Variants in PGPEP1L observed in about 807,000 individuals in gnomAD.
PGPEP1L encodes pyroglutamyl-peptidase I like, also known as pyroglutamyl-peptidase 1-like protein.
A neutral mutation model predicts 6.0 loss-of-function variants in PGPEP1L; 7 were observed. That is an observed-to-expected ratio of 1.17 (90% CI 0.66 to 2.19). PGPEP1L has a LOEUF of 2.19. Ranked by LOEUF, PGPEP1L falls within the 30% of genes most tolerant of loss-of-function variation. The pLI is 0.00. For synonymous variants in PGPEP1L, 103 were observed against 83.9 expected (o/e 1.23, Z -1.24); for missense variants, 209 against 192.5 (o/e 1.09, Z -0.51).
rs1033365951 is a variant in PGPEP1L, at chr15:98,968,689, C to G, written c.218G>C (p.Cys73Ser). 2.2e-5 allele frequency: 34 copies of G among 1,565,490 alleles called. No homozygotes were observed. The highest frequency in any genetic ancestry group is 2.9e-5 in the Non-Finnish European group (34 of 1,154,780). ...CAGAGACAGGTAATAGGTATAATCA[C>G]AGACGTATCTGCAACCACAGGAAAT... is the stretch of plus-strand genomic sequence containing the variant. ...IFSRDAGRYV[C>S]DYTYYLSLHH... The change falls in exon 5 of 5, where the codon TGT (cysteine) becomes TCT (serine). Residue 73 changes from cysteine to serine, a missense_variant. By Grantham distance (112) the Cys-to-Ser change is moderately radical. Coordinates refer to ENST00000535714, the MANE Select transcript of PGPEP1L (RefSeq NM_001167902.2).
chr15:98,981,489 C>CAAAAAAAAAAA (rs769918543), intron 2 of PGPEP1L, among the ~76,000 whole-genome samples: 3 of 82,044 alleles, frequency 3.7e-5, no homozygotes, highest in Non-Finnish European at 6.1e-5. Context: ...GACTCCGTCT[C>CAAAAAAAAAAA]AAAAAAAAAA....
intron 1 of PGPEP1L, 42 bp downstream of exon 1, chr15:99,007,317 T>C (rs72754844): frequency 0.097 from 14,840 of 152,368 alleles, 833 homozygotes; most frequent in African/African-American, 0.12. Context: ...ACTTGGTCTC[T>C]ACCTCCTCTG....
chr15:98,981,805 A>G (rs1307386629), intron 2 of PGPEP1L, among the ~76,000 whole-genome samples: 1 of 152,254 alleles, frequency 6.6e-6, no homozygotes, highest in Non-Finnish European at 1.5e-5. Context: ...TTTTCTGTAC[A>G]TATAAACGTA....
Position 98,971,131 on chromosome 15 carries a change from C to G in PGPEP1L, c.-114G>C. Reference sequence around the variant, plus strand: ...AGAGTCCGCAGCTGCACCACTGTTTCATTCCCCAGGCCCAGCTTGGAGAGC... The same window carrying G: ...AGAGTCCGCAGCTGCACCACTGTTTGATTCCCCAGGCCCAGCTTGGAGAGC... On this transcript the variant is annotated 5_prime_UTR_variant, in exon 3 of 5. It removes an upstream start codon present in the reference 5' UTR. Coordinates refer to ENST00000535714, the MANE Select transcript of PGPEP1L (RefSeq NM_001167902.2). 1.9e-6 allele frequency: 3 copies of G among 1,608,488 alleles called. No individual in the cohort carries two copies. Among genetic ancestry groups the G allele is most frequent in the Non-Finnish European group, 2.5e-6 (3 of 1,178,168 alleles).
At chr15:98,978,478 T>TA (rs1263537051) in intron 2 of PGPEP1L, among the ~76,000 whole-genome samples, 2 of 152,118 alleles carry the variant, frequency 1.3e-5, no homozygotes, top group African/African-American at 4.8e-5. Context: ...TGCTGACATT[T>TA]TTCAAGATTT....
At chr15:98,969,310 G>T in intron 4 of PGPEP1L, 115 bp downstream of exon 4, 3 of 1,321,064 alleles carry the variant, frequency 2.3e-6, no homozygotes, top group South Asian at 2.5e-5. Flanking sequence ...GGGCGGCACC[G>T]CATGGCCAAG....
At position 99,003,963 on chromosome 15, in the gene PGPEP1L, G is replaced by T. The variant is rs528313791; in HGVS notation, c.-142+1466C>A. Among the ~76,000 whole-genome samples, 72 of 148,640 alleles carry T rather than the reference G, an allele frequency of 4.8e-4. 1 individual carries two copies. Among genetic ancestry groups the T allele is most frequent in the African/African-American group, 1.6e-3 (64 of 38,882 alleles). On this transcript the variant is annotated intron_variant, in intron 2 of 4. Coordinates refer to ENST00000535714, the MANE Select transcript of PGPEP1L (RefSeq NM_001167902.2). ...CAAGGGAGATAAAAGGTTTCCCAAAGAACTTTTTCTCTGAAGGTCGATAGG... is the reference window on the plus strand; with the variant it reads ...CAAGGGAGATAAAAGGTTTCCCAAATAACTTTTTCTCTGAAGGTCGATAGG...
intron 2 of PGPEP1L, among the ~76,000 whole-genome samples, chr15:98,975,278 C>G (rs1190230513): frequency 6.6e-6 from 1 of 151,990 alleles, no homozygotes; most frequent in African/African-American, 2.4e-5. Context: ...AAGTTGATGT[C>G]ATGGAGGTAG....
intron 2 of PGPEP1L, chr15:99,001,315 T>C (rs1030100262): frequency 8.6e-6 from 2 of 231,926 alleles, no homozygotes; most frequent in African/African-American, 4.7e-5. Context: ...GGACCACATG[T>C]AAAATGATTC....
At chr15:98,989,064 A>AAT (rs2017785702) in intron 2 of PGPEP1L, among the ~76,000 whole-genome samples, 1 of 152,200 alleles carries the variant, frequency 6.6e-6, no homozygotes, top group Admixed American at 6.5e-5. Flanking sequence ...CAAAAACCAG[A>AAT]ATGCCTCTTC....
intron 2 of PGPEP1L, among the ~76,000 whole-genome samples, chr15:99,002,610 A>G (rs182595100): frequency 2.1e-3 from 321 of 152,108 alleles, no homozygotes; most frequent in African/African-American, 7.4e-3. Flanking sequence ...GGGTACAGGG[A>G]ACCTCTGTAC....
At chr15:98,976,925 C>G (rs1294364393) in intron 2 of PGPEP1L, among the ~76,000 whole-genome samples, 1 of 151,202 alleles carries the variant, frequency 6.6e-6, no homozygotes, top group Non-Finnish European at 1.5e-5. Context: ...CCTCATGCTC[C>G]TCACCTGTAT....
At chr15:98,991,086 G>A (rs191803221) in intron 2 of PGPEP1L, among the ~76,000 whole-genome samples, 14 of 151,810 alleles carry the variant, frequency 9.2e-5, no homozygotes, top group South Asian at 2.1e-4. Context: ...AAAAGCTAGC[G>A]GAAGACAAGA....
intron 1 of PGPEP1L, among the ~76,000 whole-genome samples, chr15:99,006,784 T>C (rs150287913): frequency 8.1e-6 from 1 of 122,960 alleles, no homozygotes. Flanking sequence ...GGTGACAGAG[T>C]GAGACCCTGT....
At chr15:99,005,090 C>G (rs538987317) in intron 2 of PGPEP1L, among the ~76,000 whole-genome samples, 1 of 152,068 alleles carries the variant, frequency 6.6e-6, no homozygotes, top group Non-Finnish European at 1.5e-5. Context: ...TCACGTGCCT[C>G]GGGCCCCACT....
intron 2 of PGPEP1L, among the ~76,000 whole-genome samples, chr15:98,999,636 G>A (rs1315090261): frequency 1.3e-5 from 2 of 152,162 alleles, no homozygotes; most frequent in African/African-American, 2.4e-5. Flanking sequence ...GTTCATAGAA[G>A]CTTTATTTGT....
intron 2 of PGPEP1L, among the ~76,000 whole-genome samples, chr15:98,987,194 A>AAAAAAAAG (rs2017759831): frequency 2.1e-5 from 3 of 146,064 alleles, no homozygotes; most frequent in African/African-American, 7.9e-5. Flanking sequence ...AAAAAAAAAA[A>AAAAAAAAG]AGAGAGCCAA....
intron 2 of PGPEP1L, among the ~76,000 whole-genome samples, chr15:98,973,544 A>G (rs999683684): frequency 1.3e-5 from 2 of 152,256 alleles, no homozygotes; most frequent in African/African-American, 2.4e-5. Flanking sequence ...CTAGAAATCA[A>G]TAACAGAAGG....
chr15:98,986,256 A>C lies in PGPEP1L; in HGVS notation c.-141-15098T>G, dbSNP rs192152536. Among the ~76,000 whole-genome samples, 5 of 152,372 alleles carry C rather than the reference A, an allele frequency of 3.3e-5. No individual in the cohort carries two copies. In the East Asian group the frequency reaches 9.6e-4, roughly 29 times the overall value. ...CTCATGTGGGCCCCTAAATAGCTTC[A>C]GGATGGGATCTGGCCACCAGAAAAA... On this transcript the variant is annotated intron_variant, in intron 2 of 4. Coordinates refer to ENST00000535714, the MANE Select transcript of PGPEP1L (RefSeq NM_001167902.2).
Sources: gnomAD v4.1 joint callset for allele counts (sites outside exome capture counted in the v4.1 genomes callset) on GRCh38, gnomAD v4.1.1 for gene constraint, MANE v1.5 for transcripts, NCBI Gene and HGNC (gene_info 2026-07-23, HGNC 2026-07-21) for gene names.